The following ANO7 variants were observed in gnomAD, a reference collection of about 807,000 sequenced individuals.
ANO7 encodes the protein anoctamin-7.
In ANO7, 114 loss-of-function variants were observed where a neutral mutation model predicts 115.8. The ratio of observed to expected loss-of-function variants is 0.98; its 90% CI spans 0.85 to 1.15. The LOEUF is 1.15. Among genes scored for constraint, ANO7 ranks in the 50% most tolerant of loss-of-function variants. The pLI, the probability that ANO7 is intolerant of heterozygous loss-of-function variation, is 0.00. For missense variants in ANO7, 1,302 were observed against 1,201.2 expected (o/e 1.08, Z -1.24); for synonymous variants, 550 against 498.2 (o/e 1.10, Z -1.38).
intron 2 of ANO7, among the ~76,000 whole-genome samples, chr2:241,190,673 C>A (rs1172299382): frequency 6.6e-6 from 1 of 152,188 alleles, no homozygotes; most frequent in Non-Finnish European, 1.5e-5. Flanking sequence ...GCCCCAGCAG[C>A]CTGCGGGTGG....
the ANO7 span, chr2:241,239,604 G>C: frequency 6.2e-7 from 1 of 1,613,864 alleles, no homozygotes; most frequent in Non-Finnish European, 8.5e-7. The surrounding 1 kb of genome is among the most constrained non-coding windows in gnomAD (Gnocchi z 4.6). Context: ...GTGCCTACCA[G>C]GTCCTCAATG....
the ANO7 span, chr2:241,236,836 G>A: frequency 6.5e-7 from 1 of 1,536,420 alleles, no homozygotes; most frequent in Non-Finnish European, 8.9e-7. Flanking sequence ...TGTTCAGAAT[G>A]CATATGTCTG....
At chr2:241,218,465 T>C in intron 21 of ANO7, 84 bp downstream of exon 21, 1 of 851,168 alleles carries the variant, frequency 1.2e-6, no homozygotes, top group Non-Finnish European at 1.4e-6. Context: ...GGTGCGGCGG[T>C]GGGGAGCCGG....
intron 13 of ANO7, among the ~76,000 whole-genome samples, chr2:241,210,076 C>T (rs2068685211): frequency 6.6e-6 from 1 of 152,246 alleles, no homozygotes; most frequent in Admixed American, 6.5e-5. Flanking sequence ...CCAGATGTGG[C>T]CCAGCCTCTA....
chr2:241,220,965 T>C lies in ANO7; in HGVS notation c.2322-2221T>C, dbSNP rs1319599393. Among the ~76,000 whole-genome samples, 3 of 150,374 alleles carry C rather than the reference T, an allele frequency of 2.0e-5. No individual in the cohort carries two copies. The Admixed American group carries it at 2.0e-4, about 10-fold the overall frequency. On this transcript the variant is annotated intron_variant, in intron 21 of 24. Coordinates refer to ENST00000674324, the MANE Select transcript of ANO7 (RefSeq NM_001370694.2). ...CAGCCTGGGCAACAGAATGAGACGCTGTCTCAGGAAAAAAAAAAGAAAAAA... is the reference window on the plus strand; with the variant it reads ...CAGCCTGGGCAACAGAATGAGACGCCGTCTCAGGAAAAAAAAAAGAAAAAA...
At chr2:241,201,506 C>A in intron 7 of ANO7, 151 bp downstream of exon 7, 2 of 808,636 alleles carry the variant, frequency 2.5e-6, no homozygotes, top group Non-Finnish European at 3.8e-6. Flanking sequence ...TAGAGGCTGA[C>A]CTCACCTCGC....
the ANO7 span, among the ~76,000 whole-genome samples, chr2:241,237,356 C>A: frequency 6.6e-6 from 1 of 152,138 alleles, no homozygotes. Context: ...GCTGGAGGGG[C>A]TCCTACAGGC....
At position 241,195,785 on chromosome 2, in the gene ANO7, C is replaced by T. The variant is rs775503103; in HGVS notation, c.249C>T (p.His83=). ...CCGCCCGGGACAGAACAGACATGCACAGGACCTGGCGGGAGACTTTTCTGG... is the reference window on the plus strand; with the variant it reads ...CCGCCCGGGACAGAACAGACATGCATAGGACCTGGCGGGAGACTTTTCTGG... ...DSAARDRTDM[H]RTWRETFLDN... is the part of the protein sequence containing the mutation. Residue 83 remains histidine (H), a synonymous_variant, in exon 4 of 25, where the codon CAC becomes CAT. Transcript: ENST00000674324. 6.2e-7 allele frequency: 1 copy of T among 1,614,280 alleles called. No homozygotes were observed. The highest frequency in any genetic ancestry group is 1.3e-5 in the African/African-American group (1 of 75,084).
intron 11 of ANO7, among the ~76,000 whole-genome samples, chr2:241,209,011 T>A (rs990557875): frequency 3.9e-5 from 6 of 152,188 alleles, no homozygotes; most frequent in East Asian, 1.9e-4. Context: ...TAGCCGGGCG[T>A]GGTGGCGGGC....
chr2:241,219,163 G>A (rs1283176688), intron 21 of ANO7, among the ~76,000 whole-genome samples: 3 of 152,208 alleles, frequency 2.0e-5, no homozygotes, highest in Non-Finnish European at 2.9e-5. Context: ...ACCCGCAGTT[G>A]TGGAGACTTC....
rs11299376 is a variant in ANO7 at position 241,219,731 on chromosome 2, C to CTT, written c.2321+1368_2321+1369dup. ...TACAGGCGTGTGCCACCAGGCCTGG[C>CTT]TTTTTTTTTTTTTTTTTTTCTTTAA... On this transcript the variant is annotated intron_variant, in intron 21 of 24. Coordinates refer to ENST00000674324, the MANE Select transcript of ANO7 (RefSeq NM_001370694.2). 3.0e-3 allele frequency among the ~76,000 whole-genome samples: 347 copies of CTT among 113,942 alleles called. 1 individual carries two copies. The highest frequency in any genetic ancestry group is 4.7e-3 in the Non-Finnish European group (268 of 56,526). 74.8% of individuals were successfully genotyped at this position (113,942 alleles called of 152,430 possible). A position where few individuals can be genotyped will look rare whatever the true frequency, so the allele number is the denominator to read the frequency against.
chr2:241,199,547 C>A, intron 5 of ANO7, 124 bp downstream of exon 5: 3 of 901,238 alleles, frequency 3.3e-6, no homozygotes, highest in Non-Finnish European at 3.5e-6. Context: ...GCTCCTCCTA[C>A]CCACCCCGAC....
At chr2:241,218,968 C>T (rs993023754) in intron 21 of ANO7, among the ~76,000 whole-genome samples, 1 of 152,206 alleles carries the variant, frequency 6.6e-6, no homozygotes, top group African/African-American at 2.4e-5. Context: ...CCGCCAGGGC[C>T]AGGTGGTGGC....
chr2:241,217,866 T>A lies in ANO7; in HGVS notation c.2153T>A (p.Leu718His). The part of the protein sequence containing the change: ...IGIWFHILAG[L>H]THLAVISNAF... The stretch of plus-strand genomic sequence containing the variant: ...ATCTGGTTCCACATCCTGGCGGGCC[T>A]CACGCACCTGGCGGTCATCAGCAAC... Residue 718 changes from leucine (L) to histidine (H), a missense_variant, in exon 20 of 25, where the codon CTC (leucine) becomes CAC (histidine). Leu to His is a moderately conservative substitution (Grantham distance 99). Coordinates refer to ENST00000674324, the MANE Select transcript of ANO7 (RefSeq NM_001370694.2). The A allele has an allele frequency of 6.3e-7, 1 of 1,591,686 alleles. No individual in the cohort carries two copies.
chr2:241,217,488 C>A, intron 19 of ANO7, 198 bp from the exon 20 acceptor site: 1 of 616,196 alleles, frequency 1.6e-6, no homozygotes, highest in Non-Finnish European at 2.8e-6. Flanking sequence ...CAGGGCAGGA[C>A]AGCCGGCCTG....
the ANO7 span, among the ~76,000 whole-genome samples, chr2:241,236,988 G>C: frequency 2.7e-4 from 41 of 150,674 alleles, 2 homozygotes; most frequent in Admixed American, 8.5e-4. Context: ...GGGGGGGGGG[G>C]GGGGGGCGGC....
the ANO7 span, chr2:241,236,884 GA>G: frequency 5.9e-6 from 6 of 1,013,746 alleles, no homozygotes; most frequent in African/African-American, 9.8e-5. Flanking sequence ...AAAAGGGAGG[GA>G]AAACCACTCC....
At chr2:241,199,504 C>T (rs1036042372) in intron 5 of ANO7, 81 bp downstream of exon 5, 8 of 1,391,696 alleles carry the variant, frequency 5.7e-6, no homozygotes. Context: ...TGCCGACAGC[C>T]TCAGGAGGGC....
chr2:241,234,099 T>C, the ANO7 span: 59 of 953,896 alleles, frequency 6.2e-5, no homozygotes, highest in South Asian at 9.2e-4. Context: ...TGGTCCGCCA[T>C]CTCTCTGGTC....
Sources: gnomAD v4.1 joint callset for allele counts (sites outside exome capture counted in the v4.1 genomes callset) on GRCh38, gnomAD v4.1.1 for gene constraint, Gnocchi (gnomAD v3.1) non-coding constraint, MANE v1.5 for transcripts, NCBI Gene and HGNC (gene_info 2026-07-23, HGNC 2026-07-21) for gene names.